The following EVC variants were observed in gnomAD, a reference collection of about 807,000 sequenced individuals.
The protein encoded by EVC is evC complex member EVC.
A neutral mutation model predicts 118.9 loss-of-function variants in EVC; 116 were observed. The ratio of observed to expected loss-of-function variants is 0.98; its 90% confidence interval spans 0.84 to 1.14. The LOEUF (loss-of-function observed/expected upper bound fraction) is 1.14, where lower values mean the gene tolerates loss of function less well. Ranked by LOEUF, EVC falls within the 50% of genes most tolerant of loss-of-function variation. EVC has a pLI of 0.00. For synonymous variants in EVC, 619 were observed against 534.7 expected (o/e 1.16, Z -2.18); for missense variants, 1,401 against 1,246.4 (o/e 1.12, Z -1.87).
At chr4:5,825,420 C>T in the EVC span, 1 of 1,495,012 alleles carries the variant, frequency 6.7e-7, no homozygotes, top group Non-Finnish European at 8.9e-7. The surrounding 1 kb of genome is among the most constrained non-coding windows in gnomAD (Gnocchi z 4.4). Flanking sequence ...GTGTCCATTT[C>T]CTCAGAAGCA....
At chr4:5,790,650 C>G (rs1712604040) in intron 12 of EVC, among the ~76,000 whole-genome samples, 1 of 152,058 alleles carries the variant, frequency 6.6e-6, no homozygotes, top group Non-Finnish European at 1.5e-5. Context: ...AGTTCCTGCC[C>G]CACTGTTTAT....
At chr4:5,752,387 C>G (rs1051335379) in intron 8 of EVC, among the ~76,000 whole-genome samples, 1 of 152,084 alleles carries the variant, frequency 6.6e-6, no homozygotes, top group Non-Finnish European at 1.5e-5. Flanking sequence ...AAATCTCGGC[C>G]GTCCTCAGCA....
chr4:5,712,086 C>T (rs972583888), intron 1 of EVC, among the ~76,000 whole-genome samples: 1 of 152,166 alleles, frequency 6.6e-6, no homozygotes, highest in African/African-American at 2.4e-5. Flanking sequence ...CGGGAGAGAC[C>T]CTGCCTTGAG....
At chr4:5,712,832 A>G (rs1723261443) in intron 1 of EVC, among the ~76,000 whole-genome samples, 1 of 152,196 alleles carries the variant, frequency 6.6e-6, no homozygotes, top group Non-Finnish European at 1.5e-5. Context: ...GAGAAAGGGA[A>G]GTAACACACA....
At position 5,733,331 on chromosome 4, in the gene EVC, CT is replaced by C; in HGVS notation, c.618-18del. ...TCCGATACCCTGAAAGTCTTTTCCG[CT>C]TCTCATTTTATTTTGCAGTGTAGAC... On this transcript the variant is annotated intron_variant, in intron 4 of 20. Transcript: ENST00000264956. 6.2e-7 allele frequency: 1 copy of C among 1,606,400 alleles called. No individual in the cohort carries two copies. The highest frequency in any genetic ancestry group is 8.5e-7 in the Non-Finnish European group (1 of 1,173,116).
intron 8 of EVC, among the ~76,000 whole-genome samples, chr4:5,750,520 A>C (rs1730188168): frequency 6.6e-6 from 1 of 152,162 alleles, no homozygotes; most frequent in Admixed American, 6.5e-5. Context: ...TCAGGGAAGA[A>C]ACTGGAGCTC....
intron 11 of EVC, among the ~76,000 whole-genome samples, chr4:5,759,605 G>GCT (rs1179194041): frequency 6.6e-6 from 1 of 152,174 alleles, no homozygotes; most frequent in Non-Finnish European, 1.5e-5. Flanking sequence ...ACCTTGCTGT[G>GCT]CATCAGAATG....
intron 11 of EVC, among the ~76,000 whole-genome samples, chr4:5,776,760 C>T (rs1374359607): frequency 6.6e-6 from 1 of 152,134 alleles, no homozygotes; most frequent in Non-Finnish European, 1.5e-5. Flanking sequence ...CTAATTCTCT[C>T]TTCAGCTGCA....
the EVC span, among the ~76,000 whole-genome samples, chr4:5,827,123 G>A: frequency 4.0e-4 from 61 of 152,302 alleles, no homozygotes; most frequent in African/African-American, 6.5e-4. Flanking sequence ...GGGACCCCCC[G>A]ATCCTATTGC....
At position 5,810,991 on chromosome 4, in the gene EVC, A is replaced by G; in HGVS notation, c.2933A>G (p.Asp978Gly). Reference protein sequence around the residue: ...RLSQQESEAGDSGNSKKMLKR... With the variant: ...RLSQQESEAGGSGNSKKMLKR... ...AGTCAGCAAGAAAGTGAAGCTGGGG[A>G]CAGTGGGAACTCAAAGAAGATGCTA... The change falls in exon 21 of 21, where the codon GAC becomes GGC. Residue 978 changes from aspartate (D) to glycine (G), a missense_variant. By Grantham distance (94) the Asp-to-Gly change is moderately conservative (BLOSUM62 -1). Transcript: ENST00000264956. The G allele has an allele frequency of 6.2e-7, 1 of 1,613,208 alleles. No individual in the cohort carries two copies. The highest frequency in any genetic ancestry group is 1.1e-5 in the South Asian group (1 of 90,810).
chr4:5,823,425 C>T, the EVC span, among the ~76,000 whole-genome samples: 1 of 152,216 alleles, frequency 6.6e-6, no homozygotes, highest in Non-Finnish European at 1.5e-5. Context: ...CATGTCTGTA[C>T]TTTGAAAATA....
Position 5,805,627 on chromosome 4 carries a change from G to T in EVC, c.2561+786G>T, listed in dbSNP as rs535080634. On this transcript the variant is annotated intron_variant, in intron 17 of 20. Transcript: ENST00000264956. ...CTCAGGCTCAGAAAGTGTGAGGAGA[G>T]CCCAAGAATCTGAATTTTAGCCGCA... 2.6e-5 allele frequency among the ~76,000 whole-genome samples: 4 copies of T among 152,338 alleles called. No individual in the cohort carries two copies. The South Asian group carries it at 8.3e-4, about 32-fold the overall frequency.
chr4:5,740,888 A>T lies in EVC; in HGVS notation c.703-828A>T, dbSNP rs79173694. On this transcript the variant is annotated intron_variant, in intron 5 of 20. Coordinates refer to ENST00000264956, the MANE Select transcript of EVC (RefSeq NM_153717.3). ...AAATCCAAGTTGAACTCACAATAAGATATCACCACACACTTGTCAAAATGG... is the reference window on the plus strand; with the variant it reads ...AAATCCAAGTTGAACTCACAATAAGTTATCACCACACACTTGTCAAAATGG... 9.3e-4 allele frequency among the ~76,000 whole-genome samples: 142 copies of T among 152,332 alleles called. 1 individual carries two copies. Among genetic ancestry groups the T allele is most frequent in the African/African-American group, 3.4e-3 (140 of 41,564 alleles).
chr4:5,723,660 C>G (rs780143995), intron 2 of EVC, among the ~76,000 whole-genome samples: 1 of 152,036 alleles, frequency 6.6e-6, no homozygotes, highest in Non-Finnish European at 1.5e-5. Flanking sequence ...TTGTATCTTT[C>G]CCTTGAGCAA....
intron 11 of EVC, among the ~76,000 whole-genome samples, chr4:5,761,185 G>A (rs535288441): frequency 7.9e-5 from 12 of 152,130 alleles, no homozygotes; most frequent in East Asian, 5.8e-4. Flanking sequence ...TGGGTGTGCC[G>A]AGGAGAGCAG....
intron 15 of EVC, 47 bp from the exon 16 acceptor site, chr4:5,801,903 C>G: frequency 6.2e-7 from 1 of 1,603,822 alleles, no homozygotes; most frequent in Non-Finnish European, 8.5e-7. Flanking sequence ...TGGGTGGCTC[C>G]CACGTGTGAC....
Position 5,808,309 on chromosome 4 carries a change from G to A in EVC, c.2670G>A (p.Gln890=). ...QAGVMDLLEA[Q]LETQLQEAEQ... ...GAGTCATGGACCTTCTGGAAGCCCAGCTGGAGACCCAGCTACAGGTACAAG... is the reference window on the plus strand; with the variant it reads ...GAGTCATGGACCTTCTGGAAGCCCAACTGGAGACCCAGCTACAGGTACAAG... Residue 890 remains glutamine, a synonymous_variant, in exon 18 of 21, where the codon CAG becomes CAA. Coordinates refer to ENST00000264956, the MANE Select transcript of EVC (RefSeq NM_153717.3). The A allele has an allele frequency of 1.9e-6, 3 of 1,614,224 alleles. No individual in the cohort carries two copies. Among genetic ancestry groups the A allele is most frequent in the Non-Finnish European group, 2.5e-6 (3 of 1,180,060 alleles).
intron 16 of EVC, 108 bp from the exon 17 acceptor site, chr4:5,804,622 T>C: frequency 1.2e-6 from 1 of 861,094 alleles, no homozygotes; most frequent in Non-Finnish European, 2.0e-6. Flanking sequence ...GATACACTCT[T>C]GGAGAGCTGG....
chr4:5,752,435 G>A (rs1400911319), intron 8 of EVC, among the ~76,000 whole-genome samples: 1 of 152,146 alleles, frequency 6.6e-6, no homozygotes, highest in African/African-American at 2.4e-5. Flanking sequence ...GCCAGGAACT[G>A]CTGGCACTTT....
Sources: allele counts gnomAD v4.1 joint callset (sites outside exome capture counted in the v4.1 genomes callset), GRCh38; gene constraint gnomAD v4.1.1; non-coding constraint Gnocchi (gnomAD v3.1); transcripts MANE v1.5; gene names NCBI Gene and HGNC (gene_info 2026-07-23, HGNC 2026-07-21).